Variants in RABGAP1L observed in about 807,000 individuals in gnomAD.
RABGAP1L encodes RAB GTPase activating protein 1 like.
RABGAP1L carries 63 observed loss-of-function variants against 137.7 expected under a neutral mutation model. The ratio of observed to expected loss-of-function variants is 0.46; its 90% CI spans 0.37 to 0.56. The LOEUF (loss-of-function observed/expected upper bound fraction) is 0.56. RABGAP1L is among the 20% of genes least tolerant of loss of function. The pLI, the probability that RABGAP1L is intolerant of heterozygous loss-of-function variation, is 0.00. For synonymous variants in RABGAP1L, 431 were observed against 433.7 expected, an observed-to-expected ratio of 0.99 and a Z score of 0.08; for missense variants, 1,095 against 1,244.0, an observed-to-expected ratio of 0.88 and a Z score of 1.80.
chr1:174,334,543 T>C (rs992637384), intron 11 of RABGAP1L, among the ~76,000 whole-genome samples: 1 of 152,238 alleles, frequency 6.6e-6, no homozygotes, highest in African/African-American at 2.4e-5. Context: ...GACCTAATGT[T>C]CTACCACTCT....
chr1:174,689,934 A>T (rs1474389232), intron 15 of RABGAP1L, among the ~76,000 whole-genome samples: 1 of 152,204 alleles, frequency 6.6e-6, no homozygotes, highest in Non-Finnish European at 1.5e-5. Flanking sequence ...CAAGATTTTT[A>T]GTGTATTTAA....
chr1:174,509,522 T>C (rs1359343680), intron 13 of RABGAP1L, among the ~76,000 whole-genome samples: 3 of 152,052 alleles, frequency 2.0e-5, no homozygotes, highest in East Asian at 1.9e-4. Flanking sequence ...TTGCTTGCCC[T>C]TTTTCCCCCC....
chr1:174,298,705 C>G (rs1021200418), intron 10 of RABGAP1L, among the ~76,000 whole-genome samples: 1 of 152,190 alleles, frequency 6.6e-6, no homozygotes, highest in African/African-American at 2.4e-5. Flanking sequence ...GTGACACACC[C>G]AGATAACTGG....
intron 13 of RABGAP1L, among the ~76,000 whole-genome samples, chr1:174,407,731 T>C (rs921592319): frequency 1.3e-4 from 20 of 152,182 alleles, no homozygotes; most frequent in African/African-American, 4.8e-4. Flanking sequence ...AGAATTCAGC[T>C]TTTTCTTGTA....
At chr1:174,713,164 ACAATGT>A (rs755203497) in intron 17 of RABGAP1L, among the ~76,000 whole-genome samples, 7 of 152,202 alleles carry the variant, frequency 4.6e-5, no homozygotes, top group Non-Finnish European at 5.9e-5. Context: ...TAGAAGTAAA[ACAATGT>A]CAATGAGATT....
chr1:174,839,934 T>C (rs951163083), intron 19 of RABGAP1L, among the ~76,000 whole-genome samples: 9 of 152,122 alleles, frequency 5.9e-5, no homozygotes, highest in Non-Finnish European at 1.5e-5. Context: ...CTGGGAGAGA[T>C]AGATATAGAC....
chr1:174,864,302 T>TAAAG (rs1263685536), intron 19 of RABGAP1L, among the ~76,000 whole-genome samples: 3 of 152,240 alleles, frequency 2.0e-5, no homozygotes, highest in Admixed American at 1.3e-4. Flanking sequence ...CTATGACATA[T>TAAAG]AAAGCTGTAT....
chr1:174,765,576 G>GT (rs1389137601), intron 18 of RABGAP1L, among the ~76,000 whole-genome samples: 1 of 151,798 alleles, frequency 6.6e-6, no homozygotes, highest in Non-Finnish European at 1.5e-5. Context: ...CTGTGACTAC[G>GT]TGTGTGCCAC....
intron 19 of RABGAP1L, among the ~76,000 whole-genome samples, chr1:174,942,793 G>C (rs1666113823): frequency 6.6e-6 from 1 of 152,180 alleles, no homozygotes; most frequent in Admixed American, 6.5e-5. Context: ...CCTTCTGTCT[G>C]TGTGCTTTGC....
intron 14 of RABGAP1L, among the ~76,000 whole-genome samples, chr1:174,654,685 T>C (rs752139147): frequency 2.0e-5 from 3 of 152,198 alleles, no homozygotes; most frequent in African/African-American, 2.4e-5. Context: ...TTAAAAAAAG[T>C]ATGTGAATTC....
At chr1:174,523,658 G>A (rs188530318) in intron 13 of RABGAP1L, among the ~76,000 whole-genome samples, 5 of 152,152 alleles carry the variant, frequency 3.3e-5, no homozygotes, top group Admixed American at 3.3e-4. Context: ...CTCTTCTAGT[G>A]GTTTTGAAAT....
intron 13 of RABGAP1L, among the ~76,000 whole-genome samples, chr1:174,607,497 G>A (rs1037568491): frequency 1.3e-5 from 2 of 152,164 alleles, no homozygotes; most frequent in Non-Finnish European, 1.5e-5. Flanking sequence ...AAAAGCAGAG[G>A]TGTCCTCTGG....
rs1672250290 is a variant in RABGAP1L at position 174,994,423 on chromosome 1, C to T, written c.*4422C>T. 1.3e-5 allele frequency: 2 copies of T among 152,204 alleles called. No homozygotes were observed. Among genetic ancestry groups the T allele is most frequent in the African/African-American group, 4.8e-5 (2 of 41,438 alleles). The allele number at this position is 152,204 out of a possible 1,614,324, so 9.4% of individuals were successfully genotyped here. On this transcript the variant is annotated 3_prime_UTR_variant, in exon 26 of 26. Coordinates refer to ENST00000681986, the MANE Select transcript of RABGAP1L (RefSeq NM_001366446.1). ...CATTTCATTAATATATCCCATTCTT[C>T]CTACCTCCATCTCTGGTTTGTCATT...
chr1:174,535,603 A>G (rs1297431110), intron 13 of RABGAP1L, among the ~76,000 whole-genome samples: 1 of 152,218 alleles, frequency 6.6e-6, no homozygotes, highest in African/African-American at 2.4e-5. Flanking sequence ...CTATATTTAC[A>G]AATTTACAGC....
intron 19 of RABGAP1L, 26 bp from the exon 20 acceptor site, chr1:174,957,431 A>T: frequency 6.4e-7 from 1 of 1,569,692 alleles, no homozygotes; most frequent in Non-Finnish European, 8.8e-7. Flanking sequence ...TCCTTGTCTA[A>T]CATGGTTTTC....
At chr1:174,429,739 C>CA (rs1384549297) in intron 13 of RABGAP1L, among the ~76,000 whole-genome samples, 281 of 83,500 alleles carry the variant, frequency 3.4e-3, no homozygotes, top group African/African-American at 0.01. Context: ...GACTCCATCT[C>CA]AAAAAAAAAA....
chr1:174,517,325 A>G (rs1398028617), intron 13 of RABGAP1L, among the ~76,000 whole-genome samples: 1 of 152,162 alleles, frequency 6.6e-6, no homozygotes, highest in African/African-American at 2.4e-5. Context: ...TTGAGGACAT[A>G]ATTTGAGAGA....
chr1:174,516,378 C>T (rs552928619), intron 13 of RABGAP1L, among the ~76,000 whole-genome samples: 105 of 151,958 alleles, frequency 6.9e-4, no homozygotes, highest in Non-Finnish European at 1.2e-3. Flanking sequence ...TACAAAAATG[C>T]GACTAATTTT....
chr1:174,249,128 T>C (rs1029550177), intron 5 of RABGAP1L, among the ~76,000 whole-genome samples: 2 of 152,114 alleles, frequency 1.3e-5, no homozygotes, highest in African/African-American at 4.8e-5. Flanking sequence ...CACACACATA[T>C]GTATATACAT....
Sources: allele counts gnomAD v4.1 joint callset (sites outside exome capture counted in the v4.1 genomes callset), GRCh38; gene constraint gnomAD v4.1.1; transcripts MANE v1.5; gene names NCBI Gene and HGNC (gene_info 2026-07-23, HGNC 2026-07-21).